IGHMBP2: variants seen among roughly 807,000 people sequenced by gnomAD.
IGHMBP2 encodes immunoglobulin mu DNA binding protein 2.
In IGHMBP2, 81 loss-of-function variants were observed where a neutral mutation model predicts 96.0. The ratio of observed to expected loss-of-function variants is 0.84; its 90% CI spans 0.71 to 1.01. The LOEUF (loss-of-function observed/expected upper bound fraction) is 1.01. Ranked by LOEUF, IGHMBP2 falls within the 50% of genes least tolerant of loss-of-function variation. The pLI, the probability that IGHMBP2 is intolerant of heterozygous loss-of-function variation, is 0.00. For synonymous variants in IGHMBP2, 557 were observed against 548.9 expected (o/e 1.01, Z -0.21); for missense variants, 1,227 against 1,306.3 (o/e 0.94, Z 0.94).
chr11:68,907,111 A>C (rs1379862376), intron 2 of IGHMBP2, among the ~76,000 whole-genome samples: 1 of 152,004 alleles, frequency 6.6e-6, no homozygotes, highest in African/African-American at 2.4e-5. Context: ...AAATAGAAAA[A>C]TTAGCCAGAT....
At chr11:68,934,069 GCATCGTTTTCTC>G (rs1444589955) in intron 10 of IGHMBP2, 156 bp downstream of exon 10, 3 of 694,580 alleles carry the variant, frequency 4.3e-6, no homozygotes, top group African/African-American at 3.5e-5. Flanking sequence ...AGGCTGAGCA[GCATCGTTTTCTC>G]CAGGGTGAGC....
intron 13 of IGHMBP2, chr11:68,937,768 C>T (rs1304776323): frequency 3.4e-5 from 8 of 235,770 alleles, no homozygotes; most frequent in East Asian, 1.1e-4. Context: ...ATTCCTGAAG[C>T]GAAGCTACAC....
intron 8 of IGHMBP2, chr11:68,930,330 G>A (rs1859238721): frequency 7.8e-7 from 1 of 1,289,712 alleles, no homozygotes; most frequent in African/African-American, 1.5e-5. Context: ...TAGAAGCTAT[G>A]AACTCGGAAC....
In IGHMBP2 at chr11:68,933,734, G is replaced by A; in HGVS notation, c.1419-61G>A. ...CTCGTGGGAGGGGTCGGTTCTGTTGGGTGGGGCCTCAGTGCTGCACTGTGG... is the reference window on the plus strand; with the variant it reads ...CTCGTGGGAGGGGTCGGTTCTGTTGAGTGGGGCCTCAGTGCTGCACTGTGG... On this transcript the variant is annotated intron_variant, in intron 9 of 14. Transcript: ENST00000255078. 5.2e-6 allele frequency: 7 copies of A among 1,346,504 alleles called. No individual in the cohort carries two copies. The South Asian group carries it at 8.3e-5, about 16-fold the overall frequency. 83.4% of individuals were successfully genotyped at this position (1,346,504 alleles called of 1,614,324 possible).
intron 6 of IGHMBP2, 50 bp downstream of exon 6, chr11:68,915,073 G>A: frequency 7.1e-7 from 1 of 1,411,314 alleles, no homozygotes; most frequent in South Asian, 1.2e-5. Context: ...CTGATCTGCA[G>A]TCTTTTTAAG....
intron 6 of IGHMBP2, 143 bp downstream of exon 6, chr11:68,915,166 C>CT (rs71043470): frequency 0.038 from 7,785 of 203,444 alleles, 1,062 homozygotes; most frequent in African/African-American, 0.062. Context: ...TTGGGCTGCC[C>CT]TTTTTTTTTT....
intron 13 of IGHMBP2, 25 bp from the exon 14 acceptor site, chr11:68,938,157 C>G (rs371737426): frequency 5.6e-6 from 9 of 1,613,582 alleles, no homozygotes; most frequent in Non-Finnish European, 7.6e-6. Context: ...TTTCCGTTTG[C>G]CTGAGTGACG....
chr11:68,929,094 C>T, intron 7 of IGHMBP2, 89 bp from the exon 8 acceptor site: 1 of 1,228,764 alleles, frequency 8.1e-7, no homozygotes, highest in African/African-American at 1.5e-5. Context: ...CTTGATGAAA[C>T]CCCAGCTTGA....
intron 14 of IGHMBP2, 74 bp from the exon 15 acceptor site, chr11:68,939,460 C>G: frequency 1.3e-6 from 2 of 1,548,054 alleles, no homozygotes; most frequent in Non-Finnish European, 1.8e-6. Context: ...CCCCCCAGCT[C>G]TTTGATAGGC....
At chr11:68,924,362 G>C (rs1386214504) in intron 7 of IGHMBP2, among the ~76,000 whole-genome samples, 2 of 152,230 alleles carry the variant, frequency 1.3e-5, no homozygotes, top group African/African-American at 4.8e-5. Context: ...TGTGATAATA[G>C]TACCACAAAG....
chr11:68,936,608 C>G lies in IGHMBP2; in HGVS notation c.2128C>G (p.Pro710Ala). Residue 710 changes from proline to alanine, a missense_variant, in exon 13 of 15, where the codon CCC becomes GCC. By Grantham distance (27) the Pro-to-Ala change is conservative. This residue lies in a region of IGHMBP2 where 703 missense variants were observed against 770.3 expected (regional missense o/e 0.91). Transcript: ENST00000255078. ...TCTGGCCTCTGAAGCTCCATCTCAG[C>G]CCAGCCTCAACGGAGGCAGCCCAGA... is the stretch of plus-strand genomic sequence containing the variant. ...KSLASEAPSQ[P>A]SLNGGSPEGV... 1 of 1,613,474 alleles carries G rather than the reference C, an allele frequency of 6.2e-7. No individual in the cohort carries two copies. The highest frequency in any genetic ancestry group is 8.5e-7 in the Non-Finnish European group (1 of 1,179,756).
rs1300949116 is a variant in IGHMBP2, at chr11:68,937,041, A to G, written c.2561A>G (p.Gln854Arg). 1.7e-5 allele frequency: 28 copies of G among 1,606,760 alleles called. No homozygotes were observed. Among genetic ancestry groups the G allele is most frequent in the Non-Finnish European group, 2.3e-5 (27 of 1,179,942 alleles). Residue 854 changes from glutamine to arginine, a missense_variant, in exon 13 of 15, where the codon CAG (glutamine) becomes CGG (arginine). Physicochemically the swap from Gln to Arg is conservative, Grantham distance 43. Coordinates refer to ENST00000255078, the MANE Select transcript of IGHMBP2 (RefSeq NM_002180.3). ...AQGQPASKEQ[Q>R]ASGQQKLPEK... is the part of the protein sequence containing the mutation. ...GGGCAGCCCGCCAGCAAGGAGCAGCAGGCCTCAGGGCAGCAGAAACTTCCA... is the reference window on the plus strand; with the variant it reads ...GGGCAGCCCGCCAGCAAGGAGCAGCGGGCCTCAGGGCAGCAGAAACTTCCA...
intron 8 of IGHMBP2, 92 bp downstream of exon 8, chr11:68,929,449 C>A: frequency 2.5e-6 from 3 of 1,200,476 alleles, no homozygotes; most frequent in Non-Finnish European, 3.6e-6. Context: ...CACCAGGAGC[C>A]CCTGCGGTGC....
Position 68,936,666 on chromosome 11 carries a change from T to G in IGHMBP2, c.2186T>G (p.Phe729Cys). 6.2e-7 allele frequency: 1 copy of G among 1,613,954 alleles called. No homozygotes were observed. The highest frequency in any genetic ancestry group is 1.1e-5 in the South Asian group (1 of 91,068). Residue 729 changes from phenylalanine (F) to cysteine (C), a missense_variant, in exon 13 of 15, where the codon TTC becomes TGC. By Grantham distance (205) the Phe-to-Cys change is radical (BLOSUM62 -2). Around this residue, in one of 3 missense-constraint regions of IGHMBP2, gnomAD observed 703 missense variants for 770.3 expected, o/e 0.91. Coordinates refer to ENST00000255078, the MANE Select transcript of IGHMBP2 (RefSeq NM_002180.3). ...GAGAGCCAAGATGGCGTGGACCACT[T>G]CCGGGCCATGATAGTGGAGTTCATG... is the stretch of plus-strand genomic sequence containing the variant. ...GVESQDGVDH[F>C]RAMIVEFMAS...
At chr11:68,918,797 G>T (rs954246585) in intron 7 of IGHMBP2, among the ~76,000 whole-genome samples, 9 of 151,988 alleles carry the variant, frequency 5.9e-5, no homozygotes, top group Admixed American at 2.6e-4. Flanking sequence ...GACCCACCGC[G>T]CCCGGCCTGG....
intron 7 of IGHMBP2, among the ~76,000 whole-genome samples, chr11:68,927,208 C>T (rs535936145): frequency 1.6e-4 from 24 of 152,318 alleles, no homozygotes; most frequent in African/African-American, 5.1e-4. Context: ...CTTCCCACCC[C>T]GGGGTTTGTT....
intron 7 of IGHMBP2, among the ~76,000 whole-genome samples, chr11:68,928,252 G>A (rs1222884085): frequency 2.6e-5 from 4 of 152,166 alleles, no homozygotes; most frequent in African/African-American, 9.7e-5. Context: ...ACTAGAGTGA[G>A]TTCCTGGAAG....
chr11:68,911,694 C>A, intron 5 of IGHMBP2, 91 bp downstream of exon 5: 1 of 1,204,728 alleles, frequency 8.3e-7, no homozygotes, highest in Non-Finnish European at 1.2e-6. Context: ...AGCCTCAGTT[C>A]TGGTGGGATG....
chr11:68,916,200 G>C (rs1566431055), intron 6 of IGHMBP2, among the ~76,000 whole-genome samples: 1 of 152,076 alleles, frequency 6.6e-6, no homozygotes, highest in East Asian at 1.9e-4. Context: ...ATTTTCCTGG[G>C]TGTCTTTCTG....
Sources: gnomAD v4.1 joint callset for allele counts (sites outside exome capture counted in the v4.1 genomes callset) on GRCh38, gnomAD v4.1.1 for gene constraint, gnomAD v4.1.1 regional missense constraint, MANE v1.5 for transcripts, NCBI Gene and HGNC (gene_info 2026-07-23, HGNC 2026-07-21) for gene names.